CCDC144A: variants seen among roughly 807,000 people sequenced by gnomAD.
The protein encoded by CCDC144A is coiled-coil domain-containing protein 144A.
Under a neutral mutation model 143.8 loss-of-function variants are expected in CCDC144A, and 41 were observed. The ratio of observed to expected loss-of-function variants is 0.29; its 90% CI spans 0.22 to 0.37. The LOEUF is 0.37. Ranked by LOEUF, CCDC144A falls within the 10% of genes least tolerant of loss-of-function variation. The probability of loss-of-function intolerance (pLI) is 1.00; values close to 1 mark genes in which losing one functional copy is unlikely to be tolerated. For missense variants in CCDC144A, 637 were observed against 1,488.8 expected, an observed-to-expected ratio of 0.43 and a Z score of 9.41; for synonymous variants, 242 against 517.9, an observed-to-expected ratio of 0.47 and a Z score of 7.23.
chr17:16,682,891 T>TG, the CCDC144A span, among the ~76,000 whole-genome samples: 1 of 77,192 alleles, frequency 1.3e-5, no homozygotes, highest in Non-Finnish European at 2.4e-5. Flanking sequence ...CTGTTTTTTT[T>TG]TTTTTTTTTT....
intron 12 of CCDC144A, among the ~76,000 whole-genome samples, chr17:16,755,222 G>A (rs1405644794): frequency 8.5e-4 from 129 of 152,130 alleles, no homozygotes; most frequent in African/African-American, 3.1e-3. Flanking sequence ...TTTAAATCAT[G>A]TATATTCAAA....
At chr17:16,681,609 G>A in the CCDC144A span, among the ~76,000 whole-genome samples, 4 of 152,082 alleles carry the variant, frequency 2.6e-5, no homozygotes, top group African/African-American at 9.7e-5. Flanking sequence ...TGTAATCCCA[G>A]CACTTTTGGG....
chr17:16,744,280 A>T (rs955557233), intron 12 of CCDC144A, among the ~76,000 whole-genome samples: 1 of 152,354 alleles, frequency 6.6e-6, no homozygotes, highest in South Asian at 2.1e-4. Context: ...TGCTTTCCAC[A>T]GTGGCTGAAC....
Position 16,708,880 on chromosome 17 carries a change from T to C in CCDC144A, c.823T>C (p.Ser275Pro), listed in dbSNP as rs1400298219. ...IYPVLPHVQK[S>P]EEMWIEQGKL... is the part of the protein sequence containing the mutation. ...TCCAGTACTTCCTCATGTGCAAAAA[T>C]CTGAGGAAATGTGGATTGAACAAGG... is the stretch of plus-strand genomic sequence containing the variant. The change falls in exon 5 of 17, where the codon TCT becomes CCT. Residue 275 changes from serine to proline, a missense_variant. Transcript: ENST00000399273. The C allele has an allele frequency of 6.2e-7, 1 of 1,611,644 alleles. No homozygotes were observed. Among genetic ancestry groups the C allele is most frequent in the Non-Finnish European group, 8.5e-7 (1 of 1,179,752 alleles).
intron 16 of CCDC144A, among the ~76,000 whole-genome samples, chr17:16,773,233 G>A (rs1915890690): frequency 6.6e-6 from 1 of 151,794 alleles, no homozygotes; most frequent in Non-Finnish European, 1.5e-5. Context: ...CAGATCACTG[G>A]AGCCCAGGAG....
Position 16,734,920 on chromosome 17 carries a change from A to C in CCDC144A, c.2649A>C (p.Gly883=). 3.8e-6 allele frequency: 6 copies of C among 1,586,654 alleles called. No individual in the cohort carries two copies. Among genetic ancestry groups the C allele is most frequent in the Non-Finnish European group, 5.1e-6 (6 of 1,166,506 alleles). ...CAGAAACAATACTCCAGTACAGTGG[A>C]CAGCTGAACAATCTGACAGCTGAGA... ...TLTETILQYS[G]QLNNLTAENK... Residue 883 remains glycine, a synonymous_variant, in exon 12 of 17, where the codon GGA becomes GGC. Coordinates refer to ENST00000399273, the MANE Select transcript of CCDC144A (RefSeq NM_001382000.1).
chr17:16,690,406 C>T lies in CCDC144A; in HGVS notation c.6C>T (p.Ala2=), dbSNP rs1315635244. 1 of 1,567,478 alleles carries T rather than the reference C, an allele frequency of 6.4e-7. No homozygotes were observed. Among genetic ancestry groups the T allele is most frequent in the South Asian group, 1.2e-5 (1 of 84,872 alleles). Residue 2 remains alanine (A), a synonymous_variant, in exon 1 of 17, where the codon GCC becomes GCT. Coordinates refer to ENST00000399273, the MANE Select transcript of CCDC144A (RefSeq NM_001382000.1). M[A]SWGGEKRGGA... ...GAGGCAGTAGCTCGCTACTGATGGCCTCCTGGGGTGGAGAAAAGCGGGGAG... is the reference window on the plus strand; with the variant it reads ...GAGGCAGTAGCTCGCTACTGATGGCTTCCTGGGGTGGAGAAAAGCGGGGAG...
Position 16,752,113 on chromosome 17 carries a change from G to A in CCDC144A, c.3373-9312G>A, listed in dbSNP as rs529997536. On this transcript the variant is annotated intron_variant, in intron 12 of 16. Coordinates refer to ENST00000399273, the MANE Select transcript of CCDC144A (RefSeq NM_001382000.1). ...TCTGTGACCTGTTAGGAACTGGGCC[G>A]CACAGCAGGAGGTGAGGGGAGGGCT... is the stretch of plus-strand genomic sequence containing the variant. Among the ~76,000 whole-genome samples, 13 of 152,292 alleles carry A rather than the reference G, an allele frequency of 8.5e-5. No homozygotes were observed. In the East Asian group the frequency reaches 1.4e-3, roughly 16 times the overall value.
the CCDC144A span, among the ~76,000 whole-genome samples, chr17:16,670,307 T>TTTTTTTTTTTTAAAGG: frequency 1.2e-4 from 15 of 127,766 alleles, no homozygotes; most frequent in Non-Finnish European, 1.8e-4. Flanking sequence ...TTTTTTTTTT[T>TTTTTTTTTTTTAAAGG]GACAGAGTCT....
intron 15 of CCDC144A, among the ~76,000 whole-genome samples, chr17:16,769,501 C>T (rs150973376): frequency 0.16 from 24,172 of 150,378 alleles, 2,250 homozygotes; most frequent in African/African-American, 0.35. Flanking sequence ...CTATAAATAA[C>T]TCACAACATG....
Position 16,775,526 on chromosome 17 carries a change from C to G in CCDC144A, c.*1893C>G, listed in dbSNP as rs1269550255. 2 of 152,210 alleles carry G rather than the reference C, an allele frequency of 1.3e-5. No individual in the cohort carries two copies. Among genetic ancestry groups the G allele is most frequent in the Non-Finnish European group, 2.9e-5 (2 of 68,038 alleles). 9.4% of individuals were successfully genotyped at this position (152,210 alleles called of 1,614,324 possible). On this transcript the variant is annotated 3_prime_UTR_variant, in exon 17 of 17. Coordinates refer to ENST00000399273, the MANE Select transcript of CCDC144A (RefSeq NM_001382000.1). Reference sequence around the variant, plus strand: ...CTTTTGAAAAGTGTCTGTTTGTGTCCTTTGACCACTTTCTAATGGGGTTGA... The same window carrying G: ...CTTTTGAAAAGTGTCTGTTTGTGTCGTTTGACCACTTTCTAATGGGGTTGA...
rs558622135 is a variant in CCDC144A, at chr17:16,709,314, G to A, written c.1257G>A (p.Lys419=). ...PGIGHIFSTD[K]NFHNDASTKK... is the part of the protein sequence containing the mutation. ...TTGGACATATTTTTAGTACAGATAA[G>A]AACTTTCATAATGATGCAAGCACTA... Residue 419 remains lysine (K), a synonymous_variant, in exon 5 of 17, where the codon AAG becomes AAA. Transcript: ENST00000399273. 1 of 1,611,456 alleles carries A rather than the reference G, an allele frequency of 6.2e-7. No homozygotes were observed. Among genetic ancestry groups the A allele is most frequent in the African/African-American group, 1.3e-5 (1 of 74,950 alleles).
chr17:16,688,540 G>T (rs1275803366), upstream of CCDC144A, among the ~76,000 whole-genome samples: 1 of 132,256 alleles, frequency 7.6e-6, no homozygotes, highest in Non-Finnish European at 1.5e-5. Flanking sequence ...CCAGGCTGGA[G>T]TACAGTGGCA....
At chr17:16,759,408 A>G (rs1256820468) in intron 12 of CCDC144A, among the ~76,000 whole-genome samples, 1 of 152,200 alleles carries the variant, frequency 6.6e-6, no homozygotes, top group Non-Finnish European at 1.5e-5. Context: ...GAGTCGAACC[A>G]TGCTAAGTCA....
rs1307939550 is a variant in CCDC144A, at chr17:16,711,787, C to G, written c.1687C>G (p.Pro563Ala). 10 of 1,587,162 alleles carry G rather than the reference C, an allele frequency of 6.3e-6. No individual in the cohort carries two copies. The East Asian group carries it at 2.3e-4, about 36-fold the overall frequency. The change falls in exon 6 of 17, where the codon CCT becomes GCT. Residue 563 changes from proline (P) to alanine (A), a missense_variant. By Grantham distance (27) the Pro-to-Ala change is conservative. Coordinates refer to ENST00000399273, the MANE Select transcript of CCDC144A (RefSeq NM_001382000.1). ...NDDDGLNQQI[P>A]RKENGEHDRP... Reference sequence around the variant, plus strand: ...TGATGATGGACTAAATCAGCAGATTCCTAGGAAGGAAAATGGAGAGCATGA... The same window carrying G: ...TGATGATGGACTAAATCAGCAGATTGCTAGGAAGGAAAATGGAGAGCATGA...
the CCDC144A span, among the ~76,000 whole-genome samples, chr17:16,678,585 C>CTCTCT: frequency 2.2e-5 from 3 of 136,856 alleles, no homozygotes; most frequent in South Asian, 7.0e-4. Flanking sequence ...TTTTTCTTTT[C>CTCTCT]TTTTTTTTTT....
At chr17:16,759,592 G>A (rs1240155891) in intron 12 of CCDC144A, among the ~76,000 whole-genome samples, 1 of 149,986 alleles carries the variant, frequency 6.7e-6, no homozygotes, top group African/African-American at 2.4e-5. Context: ...TTCCCGTATC[G>A]TTTTCTTCAC....
In CCDC144A at chr17:16,708,847, C is replaced by T. The variant is rs1330761526; in HGVS notation, c.790C>T (p.Pro264Ser). 8 of 1,611,786 alleles carry T rather than the reference C, an allele frequency of 5.0e-6. No individual in the cohort carries two copies. Among genetic ancestry groups the T allele is most frequent in the Non-Finnish European group, 6.8e-6 (8 of 1,179,748 alleles). The change falls in exon 5 of 17, where the codon CCT becomes TCT. Residue 264 changes from proline to serine, a missense_variant. By Grantham distance (74) the Pro-to-Ser change is moderately conservative. Coordinates refer to ENST00000399273, the MANE Select transcript of CCDC144A (RefSeq NM_001382000.1). ...MAKDCDREDIPIYPVLPHVQK... is the reference protein window; with the variant it reads ...MAKDCDREDISIYPVLPHVQK... ...TAAGGATTGCGATAGAGAGGATATA[C>T]CTATATATCCAGTACTTCCTCATGT...
chr17:16,698,193 T>C (rs1911528714), intron 2 of CCDC144A, among the ~76,000 whole-genome samples: 1 of 152,148 alleles, frequency 6.6e-6, no homozygotes, highest in Admixed American at 6.5e-5. Flanking sequence ...ACCCTGGGCA[T>C]ATCAGCATTT....
Sources: gnomAD v4.1 joint callset for allele counts (sites outside exome capture counted in the v4.1 genomes callset) on GRCh38, gnomAD v4.1.1 for gene constraint, MANE v1.5 for transcripts, NCBI Gene and HGNC (gene_info 2026-07-23, HGNC 2026-07-21) for gene names.